FSTL5: variants seen among roughly 807,000 people sequenced by gnomAD.
The protein encoded by FSTL5 is follistatin-related protein 5.
A neutral mutation model predicts 89.1 loss-of-function variants in FSTL5; 62 were observed. The observed-to-expected ratio is 0.70, with a 90% CI of 0.57 to 0.86. The LOEUF (loss-of-function observed/expected upper bound fraction) is 0.86. FSTL5 is among the 40% of genes least tolerant of loss of function. The pLI is 0.00. For missense variants in FSTL5, 1,057 were observed against 1,001.6 expected (o/e 1.06, Z -0.75); for synonymous variants, 383 against 346.2 (o/e 1.11, Z -1.18).
intron 2 of FSTL5, among the ~76,000 whole-genome samples, chr4:162,058,187 G>T (rs768238038): frequency 5.9e-5 from 9 of 152,040 alleles, no homozygotes; most frequent in African/African-American, 7.2e-5. Flanking sequence ...TGATATTAGA[G>T]GAGGAATCCA....
intron 3 of FSTL5, among the ~76,000 whole-genome samples, chr4:161,976,476 G>A (rs1735649067): frequency 6.6e-6 from 1 of 152,016 alleles, no homozygotes; most frequent in African/African-American, 2.4e-5. Flanking sequence ...CAGTTAAGTT[G>A]GTTTTGTTGT....
intron 3 of FSTL5, among the ~76,000 whole-genome samples, chr4:161,946,554 T>G (rs1734739437): frequency 1.3e-5 from 2 of 152,190 alleles, no homozygotes; most frequent in South Asian, 4.1e-4. Context: ...CAACATCATG[T>G]GACTAGCAAT....
chr4:161,424,918 A>G (rs566247835), intron 15 of FSTL5, among the ~76,000 whole-genome samples: 1 of 152,360 alleles, frequency 6.6e-6, no homozygotes, highest in South Asian at 2.1e-4. Context: ...GCAAACTCAA[A>G]TAACTGAATG....
At chr4:162,049,803 A>T in intron 2 of FSTL5, among the ~76,000 whole-genome samples, 1 of 152,250 alleles carries the variant, frequency 6.6e-6, no homozygotes, top group South Asian at 2.1e-4. Flanking sequence ...TTATAATTTT[A>T]AAATAAGCAT....
chr4:161,730,693 T>G (rs1054385184), intron 6 of FSTL5, among the ~76,000 whole-genome samples: 1 of 152,184 alleles, frequency 6.6e-6, no homozygotes, highest in Admixed American at 6.5e-5. Flanking sequence ...AATGATACAG[T>G]GTCCATTACC....
chr4:161,619,890 G>A (rs1435800001), intron 7 of FSTL5, among the ~76,000 whole-genome samples: 40 of 151,850 alleles, frequency 2.6e-4, no homozygotes, highest in African/African-American at 4.8e-4. Flanking sequence ...ACATGCACAC[G>A]TATGTTTATT....
intron 11 of FSTL5, among the ~76,000 whole-genome samples, chr4:161,509,574 G>C (rs1022821612): frequency 6.6e-6 from 1 of 152,086 alleles, no homozygotes; most frequent in Non-Finnish European, 1.5e-5. Context: ...AATTACTTGA[G>C]GCTTTGAGAC....
Position 161,860,418 on chromosome 4 carries a change from G to A in FSTL5, c.409+59986C>T, listed in dbSNP as rs1731873952. Reference sequence around the variant, plus strand: ...ATATGCCATATTAAGGAGGTTGGGTGTTACAACAAAAGCATGGAAAGCTTT... The same window carrying A: ...ATATGCCATATTAAGGAGGTTGGGTATTACAACAAAAGCATGGAAAGCTTT... On this transcript the variant is annotated intron_variant, in intron 4 of 15. Transcript: ENST00000306100. 3.3e-5 allele frequency among the ~76,000 whole-genome samples: 5 copies of A among 152,304 alleles called. No individual in the cohort carries two copies. In the South Asian group the frequency reaches 1.0e-3, roughly 32 times the overall value.
intron 4 of FSTL5, among the ~76,000 whole-genome samples, chr4:161,857,060 G>A (rs1731743405): frequency 6.6e-6 from 1 of 152,164 alleles, no homozygotes; most frequent in African/African-American, 2.4e-5. Flanking sequence ...TACTCTAAGA[G>A]CAACTGGAAA....
intron 4 of FSTL5, among the ~76,000 whole-genome samples, chr4:161,914,172 G>GT (rs1266674509): frequency 2.6e-5 from 4 of 152,044 alleles, no homozygotes; most frequent in Non-Finnish European, 4.4e-5. Flanking sequence ...AAATGTTCTT[G>GT]TTTTTTTATG....
intron 4 of FSTL5, among the ~76,000 whole-genome samples, chr4:161,899,448 C>G (rs904995987): frequency 2.6e-5 from 4 of 152,204 alleles, no homozygotes; most frequent in Admixed American, 1.3e-4. Flanking sequence ...TTCATGTCAC[C>G]TAGGATCTCA....
At chr4:161,429,743 A>G (rs1732289587) in intron 15 of FSTL5, among the ~76,000 whole-genome samples, 1 of 152,180 alleles carries the variant, frequency 6.6e-6, no homozygotes, top group South Asian at 2.1e-4. Context: ...AGCCTTCCCA[A>G]GAAGGATAGT....
chr4:161,714,458 A>C (rs1430495784), intron 6 of FSTL5, among the ~76,000 whole-genome samples: 1 of 152,054 alleles, frequency 6.6e-6, no homozygotes, highest in African/African-American at 2.4e-5. Context: ...AGCTATCGTG[A>C]GTAATAGAAA....
At chr4:162,003,455 T>A (rs969426537) in intron 3 of FSTL5, among the ~76,000 whole-genome samples, 3 of 152,114 alleles carry the variant, frequency 2.0e-5, no homozygotes, top group African/African-American at 7.2e-5. Flanking sequence ...CAACAGAGTT[T>A]GTAATAATAA....
At chr4:161,902,393 G>A (rs1579181198) in intron 4 of FSTL5, among the ~76,000 whole-genome samples, 1 of 152,010 alleles carries the variant, frequency 6.6e-6, no homozygotes, top group African/African-American at 2.4e-5. Flanking sequence ...AATACATAAT[G>A]TTTTAAATTA....
intron 1 of FSTL5, among the ~76,000 whole-genome samples, chr4:162,142,017 A>G (rs895173199): frequency 6.6e-6 from 1 of 152,146 alleles, no homozygotes; most frequent in Non-Finnish European, 1.5e-5. Context: ...GGTTGTTCCA[A>G]TGGGAAATGA....
intron 8 of FSTL5, among the ~76,000 whole-genome samples, chr4:161,554,173 T>A (rs148803376): frequency 1.3e-5 from 2 of 151,640 alleles, no homozygotes; most frequent in East Asian, 3.9e-4. Context: ...CTTTGGTGTT[T>A]ATATGGAATC....
intron 3 of FSTL5, among the ~76,000 whole-genome samples, chr4:162,005,213 T>C (rs1336729466): frequency 6.6e-6 from 1 of 152,142 alleles, no homozygotes; most frequent in African/African-American, 2.4e-5. Context: ...CTGTTTCCTG[T>C]AGGCAATTGT....
intron 3 of FSTL5, among the ~76,000 whole-genome samples, chr4:161,977,612 C>CAAAAAAAAAAAAA (rs796909244): frequency 7.4e-5 from 7 of 95,132 alleles, no homozygotes; most frequent in East Asian, 3.0e-4. Context: ...GACTCCGTGT[C>CAAAAAAAAAAAAA]AAAAAAAAAA....
Sources: gnomAD v4.1 joint callset for allele counts (sites outside exome capture counted in the v4.1 genomes callset) on GRCh38, gnomAD v4.1.1 for gene constraint, MANE v1.5 for transcripts, NCBI Gene and HGNC (gene_info 2026-07-23, HGNC 2026-07-21) for gene names.